The following CAMTA1 variants were observed in gnomAD, a reference collection of about 807,000 sequenced individuals.
CAMTA1 encodes the protein calmodulin binding transcription activator 1.
A neutral mutation model predicts 170.9 loss-of-function variants in CAMTA1; 27 were observed. The ratio of observed to expected loss-of-function variants is 0.16; its 90% CI spans 0.12 to 0.22. The LOEUF (loss-of-function observed/expected upper bound fraction) is 0.22, where lower values mean the gene tolerates loss of function less well. Among genes scored for constraint, CAMTA1 ranks in the 10% least tolerant of loss-of-function variants. The pLI is 1.00. For missense variants in CAMTA1, 1,619 were observed against 2,217.2 expected, an observed-to-expected ratio of 0.73 and a Z score of 5.42; for synonymous variants, 833 against 891.5, an observed-to-expected ratio of 0.93 and a Z score of 1.17.
intron 11 of CAMTA1, among the ~76,000 whole-genome samples, chr1:7,692,958 C>G (rs1269785907): frequency 1.3e-5 from 2 of 152,224 alleles, no homozygotes; most frequent in Admixed American, 6.5e-5. Flanking sequence ...AGGGGAACCC[C>G]TCTGTGCCTC....
In CAMTA1 at chr1:7,138,930, G is replaced by C. The variant is rs183027784; in HGVS notation, c.302+47559G>C. Among the ~76,000 whole-genome samples, 1,130 of 150,462 alleles carry C rather than the reference G, an allele frequency of 7.5e-3. 12 individuals are homozygous for C. Among genetic ancestry groups the C allele is most frequent in the African/African-American group, 0.027 (1,089 of 40,954 alleles). On this transcript the variant is annotated intron_variant, in intron 4 of 22. Transcript: ENST00000303635. ...GAATTGCTTGAACCCAGGAGGCAGAGGTTATAGTGAGCCAACATGGCACCA... is the reference window on the plus strand; with the variant it reads ...GAATTGCTTGAACCCAGGAGGCAGACGTTATAGTGAGCCAACATGGCACCA...
intron 6 of CAMTA1, among the ~76,000 whole-genome samples, chr1:7,549,748 G>A (rs2094773015): frequency 6.6e-6 from 1 of 152,074 alleles, no homozygotes; most frequent in Non-Finnish European, 1.5e-5. Flanking sequence ...AGTAACTCAA[G>A]CATGTCAGAA....
intron 5 of CAMTA1, among the ~76,000 whole-genome samples, chr1:7,446,723 C>T (rs922619377): frequency 2.0e-5 from 3 of 152,212 alleles, no homozygotes; most frequent in Admixed American, 6.5e-5. Context: ...ACACTGGCCA[C>T]GTGCAGGGGA....
At position 7,286,034 on chromosome 1, in the gene CAMTA1, C is replaced by A. The variant is rs1015322561; in HGVS notation, c.438+36408C>A. 6.6e-6 allele frequency among the ~76,000 whole-genome samples: 1 copy of A among 152,206 alleles called. No individual in the cohort carries two copies. Among genetic ancestry groups the A allele is most frequent in the Non-Finnish European group, 1.5e-5 (1 of 68,040 alleles). ...CAGCTGTTTCAGATGTACCCACCAC[C>A]GGGCCAATGGAGCCTGCTGTGTGCC... On this transcript the variant is annotated intron_variant, in intron 5 of 22. Transcript: ENST00000303635. The surrounding 1 kb of genome is among the most constrained non-coding windows in gnomAD (Gnocchi z 4.2).
chr1:6,810,054 T>A lies in CAMTA1; in HGVS notation c.46-10127T>A, dbSNP rs575932828. ...TGATGGGCTGTGAGTGTATTAGTTA[T>A]CTATAGCTGCTGTAACCAATCATCA... On this transcript the variant is annotated intron_variant, in intron 1 of 22. Coordinates refer to ENST00000303635, the MANE Select transcript of CAMTA1 (RefSeq NM_015215.4). 5.9e-5 allele frequency among the ~76,000 whole-genome samples: 9 copies of A among 152,276 alleles called. No individual in the cohort carries two copies. In the South Asian group the frequency reaches 8.3e-4, roughly 14 times the overall value.
At chr1:7,370,344 A>G (rs1294468278) in intron 5 of CAMTA1, 1 of 152,276 alleles carries the variant, frequency 6.6e-6, no homozygotes, top group African/African-American at 2.4e-5. Flanking sequence ...GGTAGAAAAT[A>G]GAAGCAAACC....
intron 3 of CAMTA1, among the ~76,000 whole-genome samples, chr1:6,837,214 C>T (rs1653623878): frequency 6.6e-6 from 1 of 152,112 alleles, no homozygotes; most frequent in Non-Finnish European, 1.5e-5. Flanking sequence ...CCTCGGCCTC[C>T]CAAAGTGCTG....
At chr1:6,937,133 CCACCAT>C (rs922497383) in intron 3 of CAMTA1, among the ~76,000 whole-genome samples, 15 of 151,296 alleles carry the variant, frequency 9.9e-5, no homozygotes, top group Non-Finnish European at 1.6e-4. Context: ...CCATTTACCA[CCACCAT>C]CACCATCACC....
intron 1 of CAMTA1, among the ~76,000 whole-genome samples, chr1:6,794,784 T>G (rs1163010380): frequency 6.6e-6 from 1 of 152,194 alleles, no homozygotes; most frequent in East Asian, 1.9e-4. Context: ...ATGAAAAATA[T>G]GAACAATCCA....
At chr1:7,317,090 G>A (rs559464047) in intron 5 of CAMTA1, among the ~76,000 whole-genome samples, 3 of 152,288 alleles carry the variant, frequency 2.0e-5, no homozygotes, top group Non-Finnish European at 2.9e-5. Flanking sequence ...AGGGAGCACA[G>A]CCCCTCTGGA....
chr1:7,605,292 C>T (rs1182970309), intron 6 of CAMTA1, among the ~76,000 whole-genome samples: 3 of 152,344 alleles, frequency 2.0e-5, no homozygotes, highest in African/African-American at 7.2e-5. Context: ...GTGGAGTCTA[C>T]AGAGGCAGGC....
intron 3 of CAMTA1, among the ~76,000 whole-genome samples, chr1:7,039,651 C>T (rs1373962114): frequency 1.3e-5 from 2 of 152,140 alleles, no homozygotes; most frequent in East Asian, 1.9e-4. Flanking sequence ...TAATGGGAAT[C>T]GCTTTAAAGT....
At chr1:7,606,211 G>A (rs1046770267) in intron 6 of CAMTA1, among the ~76,000 whole-genome samples, 5 of 152,226 alleles carry the variant, frequency 3.3e-5, no homozygotes, top group South Asian at 2.1e-4. Flanking sequence ...CTTCTTCCCA[G>A]GCAGGGGCTG....
At chr1:7,226,390 G>C (rs1368859688) in intron 4 of CAMTA1, among the ~76,000 whole-genome samples, 1 of 152,120 alleles carries the variant, frequency 6.6e-6, no homozygotes, top group African/African-American at 2.4e-5. Flanking sequence ...GTGCAGAGCA[G>C]GTGCCCCGTG....
chr1:7,088,871 G>C lies in CAMTA1; in HGVS notation c.235-2433G>C, dbSNP rs141781114. ...GTGACAAGTGGCTTAGTAAATCCAC[G>C]TACTGACTCCAGCCGCAGTGTGCTC... On this transcript the variant is annotated intron_variant, in intron 3 of 22. Coordinates refer to ENST00000303635, the MANE Select transcript of CAMTA1 (RefSeq NM_015215.4). Among the ~76,000 whole-genome samples, 913 of 152,336 alleles carry C rather than the reference G, an allele frequency of 6.0e-3. 1 individual carries two copies. The highest frequency in any genetic ancestry group is 0.01 in the Middle Eastern group (3 of 294).
At chr1:7,375,430 A>G (rs562688833) in intron 5 of CAMTA1, among the ~76,000 whole-genome samples, 91 of 152,306 alleles carry the variant, frequency 6.0e-4, no homozygotes, top group Middle Eastern at 3.4e-3. Flanking sequence ...ATCCTGTTTC[A>G]AAGAGTAATT....
intron 6 of CAMTA1, among the ~76,000 whole-genome samples, chr1:7,620,795 G>T (rs953292774): frequency 6.6e-6 from 1 of 152,202 alleles, no homozygotes; most frequent in African/African-American, 2.4e-5. Context: ...TTTGGCCGGG[G>T]CTGAGATCAG....
intron 1 of CAMTA1, among the ~76,000 whole-genome samples, chr1:6,799,839 T>C (rs918097564): frequency 6.6e-6 from 1 of 152,190 alleles, no homozygotes; most frequent in African/African-American, 2.4e-5. Context: ...AGTTGACCGC[T>C]TGTAACTGAA....
chr1:7,610,516 G>C (rs1434214835), intron 6 of CAMTA1, among the ~76,000 whole-genome samples: 1 of 152,208 alleles, frequency 6.6e-6, no homozygotes, highest in African/African-American at 2.4e-5. Flanking sequence ...TGGCCTAGCA[G>C]GTTAAATCCC....
Sources: gnomAD v4.1 joint callset for allele counts (sites outside exome capture counted in the v4.1 genomes callset) on GRCh38, gnomAD v4.1.1 for gene constraint, Gnocchi (gnomAD v3.1) non-coding constraint, MANE v1.5 for transcripts, NCBI Gene and HGNC (gene_info 2026-07-23, HGNC 2026-07-21) for gene names.